Variants in PRKCZ observed in about 807,000 individuals in gnomAD.
PRKCZ encodes the protein protein kinase C zeta.
In PRKCZ, 33 loss-of-function variants were observed where a neutral mutation model predicts 79.5. The ratio of observed to expected loss-of-function variants is 0.41; its 90% CI spans 0.31 to 0.55. The LOEUF (loss-of-function observed/expected upper bound fraction) is 0.55, where lower values mean the gene tolerates loss of function less well. Ranked by LOEUF, PRKCZ falls within the 20% of genes least tolerant of loss-of-function variation. PRKCZ has a pLI of 0.19. For synonymous variants in PRKCZ, 342 were observed against 320.9 expected, an observed-to-expected ratio of 1.07 and a Z score of -0.70; for missense variants, 578 against 813.5, an observed-to-expected ratio of 0.71 and a Z score of 3.52.
chr1:2,115,173 G>A (rs1670504338), intron 4 of PRKCZ, among the ~76,000 whole-genome samples: 1 of 152,242 alleles, frequency 6.6e-6, no homozygotes, highest in African/African-American at 2.4e-5. Flanking sequence ...CGCTCAGTCG[G>A]GCCCCTGTGT....
chr1:2,082,429 T>C lies in PRKCZ; in HGVS notation c.334+22838T>C, dbSNP rs774211257. On this transcript the variant is annotated intron_variant, in intron 4 of 17. Coordinates refer to ENST00000378567, the MANE Select transcript of PRKCZ (RefSeq NM_002744.6). This position sits in a 1 kb window ranked among gnomAD's most constrained non-coding sequence, Gnocchi z 4.4. ...TATTTATCTTGGCCAGCAGAGAGAA[T>C]TGAGTTTGCATGGAGACTGTAATTT... 2 of 456,080 alleles carry C rather than the reference T, an allele frequency of 4.4e-6. No homozygotes were observed. The highest frequency in any genetic ancestry group is 1.5e-5 in the South Asian group (1 of 64,556). The allele number at this position is 456,080 out of a possible 1,614,324, so 28.3% of individuals were successfully genotyped here.
At chr1:2,155,883 A>G in intron 9 of PRKCZ, 112 bp from the exon 10 acceptor site, 2 of 915,176 alleles carry the variant, frequency 2.2e-6, no homozygotes, top group Non-Finnish European at 3.6e-6. Flanking sequence ...TCCTGTCTGC[A>G]TTGTCTTCCT....
chr1:2,150,744 C>T (rs375043101), intron 8 of PRKCZ, 46 bp from the exon 9 acceptor site: 58 of 1,571,274 alleles, frequency 3.7e-5, no homozygotes, highest in African/African-American at 2.2e-4. Flanking sequence ...CTGAGTCTCC[C>T]GGGAACCCCC....
rs145158007 is a variant in PRKCZ, at chr1:2,094,167, C to T, written c.334+34576C>T. On this transcript the variant is annotated intron_variant, in intron 4 of 17. Transcript: ENST00000378567. The surrounding 1 kb of genome is among the most constrained non-coding windows in gnomAD (Gnocchi z 7.3). ...GAGCCCTCCGTCGCCATCCCTCCCC[C>T]GTCCCGGGAGCAGCCCCCCCACTTC... Among the ~76,000 whole-genome samples the T allele has an allele frequency of 7.0e-3, 1,065 of 152,258 alleles. 22 individuals are homozygous for T. Among genetic ancestry groups the T allele is most frequent in the African/African-American group, 0.024 (994 of 41,516 alleles).
chr1:2,154,404 C>T (rs931593656), intron 9 of PRKCZ, among the ~76,000 whole-genome samples: 1 of 152,120 alleles, frequency 6.6e-6, no homozygotes, highest in Non-Finnish European at 1.5e-5. Context: ...GAGGACCAAG[C>T]CTCGAGGAGG....
chr1:2,109,876 G>A (rs1669375232), intron 4 of PRKCZ, among the ~76,000 whole-genome samples: 1 of 152,218 alleles, frequency 6.6e-6, no homozygotes, highest in Non-Finnish European at 1.5e-5. Flanking sequence ...AGAGGGCCAG[G>A]GCAGTGGGGT....
At chr1:2,120,809 A>G (rs961677495) in intron 4 of PRKCZ, among the ~76,000 whole-genome samples, 2 of 136,436 alleles carry the variant, frequency 1.5e-5, no homozygotes, top group African/African-American at 5.4e-5. Flanking sequence ...CAGTCACTTC[A>G]TTTTTTACTT....
intron 16 of PRKCZ, among the ~76,000 whole-genome samples, chr1:2,181,537 C>T (rs1372913650): frequency 6.6e-6 from 1 of 152,226 alleles, no homozygotes; most frequent in East Asian, 1.9e-4. Flanking sequence ...GTGTCAGGCA[C>T]CATGGGTCCC....
chr1:2,158,570 G>T (rs1203107389), intron 10 of PRKCZ, among the ~76,000 whole-genome samples: 1 of 152,212 alleles, frequency 6.6e-6, no homozygotes, highest in Non-Finnish European at 1.5e-5. Flanking sequence ...CTTGCGATTT[G>T]GGAATACGCC....
At chr1:2,111,328 TC>T (rs1669702250) in intron 4 of PRKCZ, among the ~76,000 whole-genome samples, 1 of 142,514 alleles carries the variant, frequency 7.0e-6, no homozygotes, top group African/African-American at 2.6e-5. Flanking sequence ...CCAGGGAGGG[TC>T]CCAGGTTGAC....
rs576123765 is a variant in PRKCZ, at chr1:2,172,831, C to T, written c.1285+443C>T. Among the ~76,000 whole-genome samples the T allele has an allele frequency of 6.6e-6, 1 of 152,362 alleles. No individual in the cohort carries two copies. The highest frequency in any genetic ancestry group is 2.1e-4 in the South Asian group (1 of 4,832). On this transcript the variant is annotated intron_variant, in intron 13 of 17. Coordinates refer to ENST00000378567, the MANE Select transcript of PRKCZ (RefSeq NM_002744.6). This position sits in a 1 kb window ranked among gnomAD's most constrained non-coding sequence, Gnocchi z 7.8. ...CAGAGTGTTTCTGCTCCTCTCCCCTCTCTGGGCGTGAAACGGGGACATGGG... is the reference window on the plus strand; with the variant it reads ...CAGAGTGTTTCTGCTCCTCTCCCCTTTCTGGGCGTGAAACGGGGACATGGG...
chr1:2,055,312 G>A (rs1660064058), intron 1 of PRKCZ, 129 bp from the exon 2 acceptor site: 2 of 1,138,662 alleles, frequency 1.8e-6, no homozygotes, highest in Non-Finnish European at 2.4e-6. Context: ...GGGAGGGGGT[G>A]GGGCTGTCAT....
intron 7 of PRKCZ, among the ~76,000 whole-genome samples, chr1:2,148,147 T>C (rs1679067834): frequency 6.7e-6 from 1 of 149,562 alleles, no homozygotes; most frequent in South Asian, 2.1e-4. Context: ...TATCCATCTG[T>C]CTGTTGTCCA....
intron 3 of PRKCZ, among the ~76,000 whole-genome samples, chr1:2,057,760 A>G (rs942148924): frequency 2.6e-5 from 4 of 152,130 alleles, no homozygotes; most frequent in Non-Finnish European, 5.9e-5. Flanking sequence ...GCTGGAGTGC[A>G]GTGGCACTAT....
rs1277967784 is a variant in PRKCZ at position 2,178,880 on chromosome 1, C to T, written c.1575+3567C>T. On this transcript the variant is annotated intron_variant, in intron 16 of 17. Transcript: ENST00000378567. This position sits in a 1 kb window ranked among gnomAD's most constrained non-coding sequence, Gnocchi z 4.3. ...GGATGGTGAAAGGACACAGTGCCCG[C>T]CCCCCGAGTGTCCGAGGGTAGAGCT... 1.3e-5 allele frequency among the ~76,000 whole-genome samples: 2 copies of T among 152,064 alleles called. No individual in the cohort carries two copies. Among genetic ancestry groups the T allele is most frequent in the Non-Finnish European group, 2.9e-5 (2 of 67,996 alleles).
intron 4 of PRKCZ, among the ~76,000 whole-genome samples, chr1:2,107,903 G>A (rs1048893956): frequency 4.8e-5 from 7 of 147,186 alleles, no homozygotes; most frequent in Non-Finnish European, 8.9e-5. Context: ...ATTCCCCCCA[G>A]GGCAGTGTCG....
At chr1:2,140,708 C>T (rs1473715544) in intron 5 of PRKCZ, among the ~76,000 whole-genome samples, 1 of 152,146 alleles carries the variant, frequency 6.6e-6, no homozygotes, top group Non-Finnish European at 1.5e-5. Context: ...GTAGCTCACA[C>T]CTGTAATCCC....
Position 2,094,971 on chromosome 1 carries a change from G to GAC in PRKCZ, c.334+35383_334+35384dup, listed in dbSNP as rs1666204353. ...TCCCTGCCCCCGCCGGCATGACACGGACACTGGTGCCCGAGTGATGCCTGT... is the reference window on the plus strand; with the variant it reads ...TCCCTGCCCCCGCCGGCATGACACGGACACACTGGTGCCCGAGTGATGCCTGT... On this transcript the variant is annotated intron_variant, in intron 4 of 17. Coordinates refer to ENST00000378567, the MANE Select transcript of PRKCZ (RefSeq NM_002744.6). This position sits in a 1 kb window ranked among gnomAD's most constrained non-coding sequence, Gnocchi z 7.3. 6.6e-6 allele frequency among the ~76,000 whole-genome samples: 1 copy of GAC among 152,176 alleles called. No homozygotes were observed.
At chr1:2,113,005 A>G (rs1348080721) in intron 4 of PRKCZ, among the ~76,000 whole-genome samples, 2 of 151,902 alleles carry the variant, frequency 1.3e-5, no homozygotes, top group African/African-American at 4.8e-5. Flanking sequence ...TTTTCTTTAC[A>G]TTTGTGACTT....
Sources: gnomAD v4.1 joint callset for allele counts (sites outside exome capture counted in the v4.1 genomes callset) on GRCh38, gnomAD v4.1.1 for gene constraint, Gnocchi (gnomAD v3.1) non-coding constraint, MANE v1.5 for transcripts, NCBI Gene and HGNC (gene_info 2026-07-23, HGNC 2026-07-21) for gene names.